The following RPTOR variants were observed in gnomAD, a reference collection of about 807,000 sequenced individuals.
RPTOR encodes the protein regulatory associated protein of MTOR complex 1, also known as regulatory-associated protein of mTOR.
Under a neutral mutation model 169.9 loss-of-function variants are expected in RPTOR, and 21 were observed. The ratio of observed to expected loss-of-function variants is 0.12; its 90% CI spans 0.09 to 0.18. The LOEUF is 0.18. Ranked by LOEUF, RPTOR falls within the 10% of genes least tolerant of loss-of-function variation. The pLI is 1.00. For synonymous variants in RPTOR, 732 were observed against 753.2 expected (o/e 0.97, Z 0.46); for missense variants, 1,133 against 1,855.9 (o/e 0.61, Z 7.16).
chr17:80,796,596 A>G (rs1335527051), intron 7 of RPTOR, among the ~76,000 whole-genome samples: 2 of 152,218 alleles, frequency 1.3e-5, no homozygotes, highest in South Asian at 2.1e-4. Flanking sequence ...CCCCGCCTCA[A>G]CACATGGGTA....
rs1224753869 is a variant in RPTOR at position 80,545,891 on chromosome 17, C to G, written c.162+100C>G. 4.9e-6 allele frequency: 5 copies of G among 1,019,738 alleles called. No individual in the cohort carries two copies. In the East Asian group the frequency reaches 1.3e-4, roughly 27 times the overall value. 63.2% of individuals were successfully genotyped at this position (1,019,738 alleles called of 1,614,324 possible). Reference sequence around the variant, plus strand: ...CCTTGGGAAAGCGCCGACATTTCCCCCTAGCCACACGTTGTAAGTCAACTA... The same window carrying G: ...CCTTGGGAAAGCGCCGACATTTCCCGCTAGCCACACGTTGTAAGTCAACTA... On this transcript the variant is annotated intron_variant, in intron 1 of 33. Coordinates refer to ENST00000306801, the MANE Select transcript of RPTOR (RefSeq NM_020761.3).
chr17:80,948,397 G>A (rs747639801), intron 27 of RPTOR, among the ~76,000 whole-genome samples: 5 of 152,372 alleles, frequency 3.3e-5, no homozygotes, highest in Admixed American at 6.5e-5. Flanking sequence ...GCTGTCAGAC[G>A]TGACCGGGAG....
At chr17:80,766,049 A>G (rs1453647386) in intron 6 of RPTOR, among the ~76,000 whole-genome samples, 2 of 152,170 alleles carry the variant, frequency 1.3e-5, no homozygotes, top group Admixed American at 6.5e-5. Context: ...CACTGATTCT[A>G]GCATGTACTT....
chr17:80,893,928 A>T, intron 20 of RPTOR, 63 bp downstream of exon 20: 3 of 1,436,852 alleles, frequency 2.1e-6, no homozygotes, highest in Non-Finnish European at 2.8e-6. Context: ...CACACAGAGC[A>T]GCACAGACCT....
At chr17:80,634,798 GT>G (rs2065490944) in intron 2 of RPTOR, among the ~76,000 whole-genome samples, 1 of 147,108 alleles carries the variant, frequency 6.8e-6, no homozygotes, top group South Asian at 2.2e-4. Context: ...TGTGCATACT[GT>G]GTGTGCATAC....
In RPTOR at chr17:80,845,984, C is replaced by T. The variant is rs1408819591; in HGVS notation, c.1213-489C>T. On this transcript the variant is annotated intron_variant, in intron 10 of 33. Transcript: ENST00000306801. This position sits in a 1 kb window ranked among gnomAD's most constrained non-coding sequence, Gnocchi z 5.4. ...GCCCCAGCGCGGCCCCAGCTCATCT[C>T]CTTGGTCTCCATAGCAGAGGCTCTG... 6.6e-6 allele frequency among the ~76,000 whole-genome samples: 1 copy of T among 152,160 alleles called. No individual in the cohort carries two copies. The highest frequency in any genetic ancestry group is 1.5e-5 in the Non-Finnish European group (1 of 68,020).
chr17:80,913,719 C>T (rs191074406), intron 21 of RPTOR, among the ~76,000 whole-genome samples: 4 of 152,290 alleles, frequency 2.6e-5, no homozygotes, highest in South Asian at 2.1e-4. Context: ...TCCCAAAATG[C>T]CAGGATTACA....
In RPTOR at chr17:80,711,744, C is replaced by CTTTTTT. The variant is rs1226456124; in HGVS notation, c.507+3756_507+3761dup. ...AGTTAACATATAGTTATACATCAGTCTTTTTTTTTTTTTTTTGAGGTTAAG... is the reference window on the plus strand; with the variant it reads ...AGTTAACATATAGTTATACATCAGTCTTTTTTTTTTTTTTTTTTTTTTGAGGTTAAG... On this transcript the variant is annotated intron_variant, in intron 4 of 33. Coordinates refer to ENST00000306801, the MANE Select transcript of RPTOR (RefSeq NM_020761.3). 7.4e-4 allele frequency among the ~76,000 whole-genome samples: 66 copies of CTTTTTT among 88,828 alleles called. 9 individuals are homozygous for CTTTTTT. Among genetic ancestry groups the CTTTTTT allele is most frequent in the Admixed American group, 2.9e-3 (26 of 9,036 alleles). The allele number at this position is 88,828 out of a possible 152,430, so 58.3% of individuals were successfully genotyped here.
chr17:80,903,075 T>A (rs1245154237), intron 20 of RPTOR, among the ~76,000 whole-genome samples: 2 of 152,010 alleles, frequency 1.3e-5, no homozygotes, highest in Non-Finnish European at 2.9e-5. Flanking sequence ...GTTTTGAAAA[T>A]GAGTTACCAT....
At chr17:80,920,689 A>G (rs560901894) in intron 21 of RPTOR, among the ~76,000 whole-genome samples, 2 of 152,372 alleles carry the variant, frequency 1.3e-5, no homozygotes, top group Middle Eastern at 3.4e-3. Flanking sequence ...GCCCCAGCCC[A>G]GCAGCGCCTG....
At chr17:80,686,277 C>T (rs1016437876) in intron 3 of RPTOR, among the ~76,000 whole-genome samples, 1 of 151,022 alleles carries the variant, frequency 6.6e-6, no homozygotes, top group Non-Finnish European at 1.5e-5. Flanking sequence ...AGCTCCGCCT[C>T]CTGGGTTCAC....
chr17:80,807,476 A>G (rs957096679), intron 7 of RPTOR, among the ~76,000 whole-genome samples: 12 of 152,028 alleles, frequency 7.9e-5, no homozygotes, highest in African/African-American at 2.7e-4. Context: ...TCAGACTTCC[A>G]AGTAGCTGGG....
rs8079025 is a variant in RPTOR at position 80,664,997 on chromosome 17, T to C, written c.348+21187T>C. Among the ~76,000 whole-genome samples, 1,025 of 152,352 alleles carry C rather than the reference T, an allele frequency of 6.7e-3. 11 individuals carry two copies. The highest frequency in any genetic ancestry group is 0.024 in the African/African-American group (990 of 41,578). On this transcript the variant is annotated intron_variant, in intron 3 of 33. Coordinates refer to ENST00000306801, the MANE Select transcript of RPTOR (RefSeq NM_020761.3). Reference sequence around the variant, plus strand: ...ACCTTTTTCTCCTGCTTCTGTCCTCTGTATTCTCCCCACCCCTTTCTCCCT... The same window carrying C: ...ACCTTTTTCTCCTGCTTCTGTCCTCCGTATTCTCCCCACCCCTTTCTCCCT...
rs955692279 is a variant in RPTOR at position 80,601,505 on chromosome 17, C to T, written c.163-24186C>T. On this transcript the variant is annotated intron_variant, in intron 1 of 33. Coordinates refer to ENST00000306801, the MANE Select transcript of RPTOR (RefSeq NM_020761.3). ...CACATCCCAGCCTTCTTTAAACTTC[C>T]CTGGCAGATTATTTTATGGTTTTGC... Among the ~76,000 whole-genome samples, 3 of 149,212 alleles carry T rather than the reference C, an allele frequency of 2.0e-5. No individual in the cohort carries two copies. The South Asian group carries it at 6.5e-4, about 32-fold the overall frequency.
chr17:80,548,371 G>GTTTTTTTT (rs34301408), intron 1 of RPTOR, among the ~76,000 whole-genome samples: 1 of 63,432 alleles, frequency 1.6e-5, no homozygotes, highest in Non-Finnish European at 3.0e-5. Flanking sequence ...GCCTGGGGTG[G>GTTTTTTTT]TTTTTTTTTT....
At position 80,753,099 on chromosome 17, in the gene RPTOR, T is replaced by C. The variant is rs990590136; in HGVS notation, c.655-911T>C. Among the ~76,000 whole-genome samples the C allele has an allele frequency of 6.6e-5, 10 of 152,320 alleles. 1 individual carries two copies. The highest frequency in any genetic ancestry group is 1.9e-4 in the East Asian group (1 of 5,186). On this transcript the variant is annotated intron_variant, in intron 5 of 33. Coordinates refer to ENST00000306801, the MANE Select transcript of RPTOR (RefSeq NM_020761.3). ...GATTACAAAATTAATGCACATTTGT[T>C]TGTAGAACATTTAGAGAAATCCGAT...
At chr17:80,806,131 C>T (rs1486655624) in intron 7 of RPTOR, among the ~76,000 whole-genome samples, 1 of 152,178 alleles carries the variant, frequency 6.6e-6, no homozygotes, top group Non-Finnish European at 1.5e-5. Flanking sequence ...AAAAGCCAGT[C>T]AGCTTATGCA....
chr17:80,708,365 T>C lies in RPTOR; in HGVS notation c.507+366T>C, dbSNP rs1384611515. On this transcript the variant is annotated intron_variant, in intron 4 of 33. Transcript: ENST00000306801. The surrounding 1 kb of genome is among the most constrained non-coding windows in gnomAD (Gnocchi z 4.2). Reference sequence around the variant, plus strand: ...AATCTTTCTTTAAGCATCGGTGATTTTCTTAGAAAATAAAGTGTTTTATAT... The same window carrying C: ...AATCTTTCTTTAAGCATCGGTGATTCTCTTAGAAAATAAAGTGTTTTATAT... Among the ~76,000 whole-genome samples the C allele has an allele frequency of 2.0e-5, 3 of 152,258 alleles. No homozygotes were observed. The highest frequency in any genetic ancestry group is 4.4e-5 in the Non-Finnish European group (3 of 68,052).
At chr17:80,590,255 A>G (rs1213126883) in intron 1 of RPTOR, among the ~76,000 whole-genome samples, 4 of 150,116 alleles carry the variant, frequency 2.7e-5, no homozygotes, top group Non-Finnish European at 4.4e-5. Flanking sequence ...TGAAGGAGGC[A>G]TGCAGGTATG....
Sources: allele counts gnomAD v4.1 joint callset (sites outside exome capture counted in the v4.1 genomes callset), GRCh38; gene constraint gnomAD v4.1.1; non-coding constraint Gnocchi (gnomAD v3.1); transcripts MANE v1.5; gene names NCBI Gene and HGNC (gene_info 2026-07-23, HGNC 2026-07-21).